The following CHFR variants were observed in gnomAD, a reference collection of about 807,000 sequenced individuals.
CHFR encodes the protein checkpoint with forkhead and ring finger domains.
In CHFR, 57 loss-of-function variants were observed where a neutral mutation model predicts 87.6. The observed-to-expected ratio is 0.65, with a 90% CI of 0.53 to 0.81. The LOEUF (loss-of-function observed/expected upper bound fraction) is 0.81, where lower values mean the gene tolerates loss of function less well. Among genes scored for constraint, CHFR ranks in the 30% least tolerant of loss-of-function variants. The probability of loss-of-function intolerance (pLI) is 0.00; values close to 1 mark genes in which losing one functional copy is unlikely to be tolerated. For missense variants in CHFR, 797 were observed against 865.8 expected, an observed-to-expected ratio of 0.92 and a Z score of 1.00; for synonymous variants, 381 against 359.2, an observed-to-expected ratio of 1.06 and a Z score of -0.69.
chr12:132,868,372 C>T (rs1175089277), intron 6 of CHFR, among the ~76,000 whole-genome samples: 1 of 151,836 alleles, frequency 6.6e-6, no homozygotes, highest in Non-Finnish European at 1.5e-5. Flanking sequence ...TGCCTGTAGT[C>T]CCAGCTACTC....
chr12:132,849,627 G>C (rs1295814219), intron 12 of CHFR: 2 of 146,956 alleles, frequency 1.4e-5, no homozygotes, highest in African/African-American at 5.1e-5. Flanking sequence ...ACAGAGTCTT[G>C]CTCTGTGGCC....
At chr12:132,868,777 G>T (rs976209958) in intron 6 of CHFR, among the ~76,000 whole-genome samples, 9 of 150,130 alleles carry the variant, frequency 6.0e-5, no homozygotes, top group Non-Finnish European at 1.2e-4. Context: ...CCAGGGGCTG[G>T]GGGGAGGGGA....
Position 132,851,618 on chromosome 12 carries a change from A to G in CHFR, c.1492T>C (p.Cys498Arg). 1 of 1,607,876 alleles carries G rather than the reference A, an allele frequency of 6.2e-7. No individual in the cohort carries two copies. Among genetic ancestry groups the G allele is most frequent in the Non-Finnish European group, 8.5e-7 (1 of 1,177,238 alleles). ...TGCGTGCGGTGGCGCGGGCACTCAC[A>G]CTGCTGAGGGGCGACACGCGGGTCC... is the stretch of plus-strand genomic sequence containing the variant. ...EQDPRVAPQQ[C>R]AVCLQPFCHL... Residue 498 changes from cysteine (C) to arginine (R), a missense_variant and splice_region_variant, in exon 12 of 18, where the codon TGT becomes CGT. Coordinates refer to ENST00000450056, the MANE Select transcript of CHFR (RefSeq NM_001161346.2).
intron 5 of CHFR, 154 bp from the exon 6 acceptor site, chr12:132,869,952 T>C: frequency 3.6e-6 from 3 of 836,190 alleles, no homozygotes; most frequent in Admixed American, 4.8e-5. Context: ...TGCAGGCCTG[T>C]AATCCCAGCA....
In CHFR at chr12:132,836,387, A is replaced by C. The variant is rs1187613529; in HGVS notation, c.*5167T>G. ...AGCACGGCGCACGGCCCTCACAGTG[A>C]CAGGCTCCCAGCACGGCGCTCGGCC... On this transcript the variant is annotated 3_prime_UTR_variant, in exon 18 of 18. Transcript: ENST00000450056. The C allele has an allele frequency of 2.6e-5, 8 of 306,076 alleles. No homozygotes were observed. Among genetic ancestry groups the C allele is most frequent in the Middle Eastern group, 1.2e-3 (1 of 862 alleles). The allele number at this position is 306,076 out of a possible 1,614,324, so 19.0% of individuals were successfully genotyped here. A position where few individuals can be genotyped will look rare whatever the true frequency, so the allele number is the denominator to read the frequency against.
intron 11 of CHFR, among the ~76,000 whole-genome samples, chr12:132,852,727 T>C (rs530841979): frequency 6.6e-6 from 1 of 152,358 alleles, no homozygotes; most frequent in Admixed American, 6.5e-5. Context: ...AGCACTGCTT[T>C]GTCCGTTCCG....
rs1266466835 is a variant in CHFR at position 132,851,888 on chromosome 12, T to C, written c.1373-151A>G. On this transcript the variant is annotated intron_variant, in intron 11 of 17. Transcript: ENST00000450056. ...TGCCCTGCTAAACCACCGGGGACCTTCTGCCACCCAAACTCGGGGAGTCAA... is the reference window on the plus strand; with the variant it reads ...TGCCCTGCTAAACCACCGGGGACCTCCTGCCACCCAAACTCGGGGAGTCAA... 5 of 781,992 alleles carry C rather than the reference T, an allele frequency of 6.4e-6. No individual in the cohort carries two copies. The African/African-American group carries it at 8.9e-5, about 14-fold the overall frequency. 48.4% of individuals were successfully genotyped at this position (781,992 alleles called of 1,614,324 possible).
At chr12:132,882,308 C>T (rs748587949) in intron 2 of CHFR, among the ~76,000 whole-genome samples, 3 of 152,114 alleles carry the variant, frequency 2.0e-5, no homozygotes, top group Non-Finnish European at 1.5e-5. Flanking sequence ...CCCTGTGTCA[C>T]GACACGCTGG....
intron 10 of CHFR, among the ~76,000 whole-genome samples, chr12:132,855,624 G>C (rs1172081097): frequency 6.6e-6 from 1 of 151,800 alleles, no homozygotes; most frequent in African/African-American, 2.4e-5. Flanking sequence ...CTGAGATCGT[G>C]TCACTGCACT....
In CHFR at chr12:132,836,731, A is replaced by C. The variant is rs1465091341; in HGVS notation, c.*4823T>G. On this transcript the variant is annotated 3_prime_UTR_variant, in exon 18 of 18. Transcript: ENST00000450056. ...CCGCCTCAGAAGGAGACAACCGTGA[A>C]AAGTGAGCGACAGAGGAAGGGGCGC... 3 of 455,984 alleles carry C rather than the reference A, an allele frequency of 6.6e-6. No homozygotes were observed. Among genetic ancestry groups the C allele is most frequent in the African/African-American group, 4.0e-5 (2 of 50,076 alleles). The allele number at this position is 455,984 out of a possible 1,614,324, so 28.2% of individuals were successfully genotyped here.
intron 9 of CHFR, 85 bp downstream of exon 9, chr12:132,857,320 C>T (rs1317905289): frequency 6.1e-6 from 8 of 1,314,256 alleles, no homozygotes; most frequent in Admixed American, 2.2e-5. Context: ...CCGGGTGCTG[C>T]TGGGTGGATG....
rs1369317061 is a variant in CHFR at position 132,887,177 on chromosome 12, C to G, written c.133+19G>C. Reference sequence around the variant, plus strand: ...GCTCTGCCCGGCCCCGGCCCCCGGCCCCGGCCTCAGCCCCGCACCTCGTCT... The same window carrying G: ...GCTCTGCCCGGCCCCGGCCCCCGGCGCCGGCCTCAGCCCCGCACCTCGTCT... On this transcript the variant is annotated intron_variant, in intron 2 of 17. Transcript: ENST00000450056. 2 of 1,473,012 alleles carry G rather than the reference C, an allele frequency of 1.4e-6. No homozygotes were observed. The highest frequency in any genetic ancestry group is 1.8e-6 in the Non-Finnish European group (2 of 1,117,782). The allele number at this position is 1,473,012 out of a possible 1,614,324, so 91.2% of individuals were successfully genotyped here.
intron 16 of CHFR, among the ~76,000 whole-genome samples, chr12:132,843,702 C>T (rs1566173501): frequency 6.6e-6 from 1 of 152,004 alleles, no homozygotes. Flanking sequence ...CGTGGTGGCT[C>T]ATGCCTGCAA....
rs768675401 is a variant in CHFR at position 132,856,650 on chromosome 12, G to C, written c.1067-20C>G. ...TCTTGTCTAGAATTGAAAGGACACAGCGCCATTCACCGGCAGTGAGACATG... is the reference window on the plus strand; with the variant it reads ...TCTTGTCTAGAATTGAAAGGACACACCGCCATTCACCGGCAGTGAGACATG... On this transcript the variant is annotated intron_variant, in intron 9 of 17. Coordinates refer to ENST00000450056, the MANE Select transcript of CHFR (RefSeq NM_001161346.2). 3.1e-6 allele frequency: 5 copies of C among 1,612,780 alleles called. No homozygotes were observed. The South Asian group carries it at 5.5e-5, about 18-fold the overall frequency.
In CHFR at chr12:132,839,279, C is replaced by G. The variant is rs879680270; in HGVS notation, c.*2275G>C. ...GAATGCCAGCCTCCCCTCTCAGCCT[C>G]GCACCTGCACAAACTGGCAACCTCC... On this transcript the variant is annotated 3_prime_UTR_variant, in exon 18 of 18. Coordinates refer to ENST00000450056, the MANE Select transcript of CHFR (RefSeq NM_001161346.2). 1 of 176,584 alleles carries G rather than the reference C, an allele frequency of 5.7e-6. No individual in the cohort carries two copies. The highest frequency in any genetic ancestry group is 6.5e-5 in the Admixed American group (1 of 15,412). 10.9% of individuals were successfully genotyped at this position (176,584 alleles called of 1,614,324 possible).
At chr12:132,844,298 T>G (rs75921355) in intron 15 of CHFR, among the ~76,000 whole-genome samples, 164 bp from the exon 16 acceptor site, 1 of 152,240 alleles carries the variant, frequency 6.6e-6, no homozygotes, top group Non-Finnish European at 1.5e-5. Flanking sequence ...GAATTTATTT[T>G]TATTGAGACG....
In CHFR at chr12:132,850,964, C is replaced by CATATAT. The variant is rs55826641; in HGVS notation, c.1492+648_1492+653dup. On this transcript the variant is annotated intron_variant, in intron 12 of 17. Coordinates refer to ENST00000450056, the MANE Select transcript of CHFR (RefSeq NM_001161346.2). Reference sequence around the variant, plus strand: ...TTTTAATAATAACTGTATGTGTGTGCATATATATATATATATATATATATA... The same window carrying CATATAT: ...TTTTAATAATAACTGTATGTGTGTGCATATATATATATATATATATATATATATATA... Among the ~76,000 whole-genome samples the CATATAT allele has an allele frequency of 5.2e-3, 711 of 135,594 alleles. 2 individuals are homozygous for CATATAT. Among genetic ancestry groups the CATATAT allele is most frequent in the African/African-American group, 0.01 (352 of 34,974 alleles). 89.0% of individuals were successfully genotyped at this position (135,594 alleles called of 152,430 possible).
chr12:132,856,710 C>G, intron 9 of CHFR, 80 bp from the exon 10 acceptor site: 3 of 1,477,366 alleles, frequency 2.0e-6, no homozygotes, highest in Non-Finnish European at 2.8e-6. Context: ...TGGGAGCTCG[C>G]GTGCGCAGTG....
intron 11 of CHFR, among the ~76,000 whole-genome samples, chr12:132,852,991 G>A (rs547224191): frequency 7.2e-5 from 11 of 152,304 alleles, no homozygotes; most frequent in African/African-American, 2.2e-4. Flanking sequence ...GGCACCTGAC[G>A]GGGAAACATT....
Sources: allele counts gnomAD v4.1 joint callset (sites outside exome capture counted in the v4.1 genomes callset), GRCh38; gene constraint gnomAD v4.1.1; transcripts MANE v1.5; gene names NCBI Gene and HGNC (gene_info 2026-07-23, HGNC 2026-07-21).